TPCN1: variants seen among roughly 807,000 people sequenced by gnomAD.
The protein encoded by TPCN1 is two pore channel protein 1.
A neutral mutation model predicts 108.8 loss-of-function variants in TPCN1; 52 were observed. That is an observed-to-expected ratio of 0.48 (90% CI 0.38 to 0.60). TPCN1 has a LOEUF of 0.60. TPCN1 is among the 20% of genes least tolerant of loss of function. TPCN1 has a pLI of 0.00. For missense variants in TPCN1, 806 were observed against 1,072.8 expected (o/e 0.75, Z 3.47); for synonymous variants, 446 against 433.7 (o/e 1.03, Z -0.35).
At position 113,232,147 on chromosome 12, in the gene TPCN1, C is replaced by T. The variant is rs1953710235; in HGVS notation, c.112+5183C>T. ...GGATGCTCCGTCTCTGCTTTGGTGCCGGGTTGTTTATGGTTTTCAGGTGAC... is the reference window on the plus strand; with the variant it reads ...GGATGCTCCGTCTCTGCTTTGGTGCTGGGTTGTTTATGGTTTTCAGGTGAC... On this transcript the variant is annotated intron_variant, in intron 2 of 27. Transcript: ENST00000335509. This position sits in a 1 kb window ranked among gnomAD's most constrained non-coding sequence, Gnocchi z 5.6. Among the ~76,000 whole-genome samples, 1 of 152,216 alleles carries T rather than the reference C, an allele frequency of 6.6e-6. No individual in the cohort carries two copies.
At chr12:113,259,607 G>T (rs1405474121) in intron 2 of TPCN1, among the ~76,000 whole-genome samples, 1 of 152,210 alleles carries the variant, frequency 6.6e-6, no homozygotes, top group Non-Finnish European at 1.5e-5. Flanking sequence ...TGGTGGCAGA[G>T]GCAGCCGCCA....
intron 18 of TPCN1, among the ~76,000 whole-genome samples, chr12:113,286,451 G>C (rs950571881): frequency 6.6e-6 from 1 of 151,996 alleles, no homozygotes; most frequent in Non-Finnish European, 1.5e-5. Context: ...AACACGCAGA[G>C]CGGAGTTGGG....
intron 17 of TPCN1, among the ~76,000 whole-genome samples, chr12:113,285,063 C>A (rs1352091480): frequency 3.9e-5 from 6 of 152,246 alleles, no homozygotes; most frequent in African/African-American, 1.4e-4. Context: ...GCAGCCTCTG[C>A]TCCCTGCTGC....
chr12:113,244,267 C>G, intron 2 of TPCN1: 1 of 980,744 alleles, frequency 1.0e-6, no homozygotes, highest in Non-Finnish European at 1.2e-6. Flanking sequence ...TTTTCCCTTT[C>G]CTCCTTTGGC....
At chr12:113,242,929 A>G (rs1455555560) in intron 2 of TPCN1, among the ~76,000 whole-genome samples, 7 of 152,128 alleles carry the variant, frequency 4.6e-5, no homozygotes, top group Admixed American at 4.6e-4. Context: ...TTCATTACCT[A>G]CTGATGGAGA....
intron 1 of TPCN1, among the ~76,000 whole-genome samples, chr12:113,226,325 A>G (rs1953468962): frequency 6.6e-6 from 1 of 152,134 alleles, no homozygotes; most frequent in African/African-American, 2.4e-5. Flanking sequence ...CTGTCACTTA[A>G]GCTGGAGTGC....
intron 14 of TPCN1, among the ~76,000 whole-genome samples, chr12:113,279,391 A>ATATATTT (rs1434381451): frequency 1.9e-4 from 2 of 10,482 alleles, no homozygotes; most frequent in Admixed American, 2.5e-3. Context: ...ATATATATAT[A>ATATATTT]TTTTTTTTTT....
chr12:113,290,749 T>C (rs1369282672), intron 22 of TPCN1, among the ~76,000 whole-genome samples: 1 of 152,194 alleles, frequency 6.6e-6, no homozygotes, highest in African/African-American at 2.4e-5. Flanking sequence ...GTGTGTTCTC[T>C]TGGGGGCAGG....
intron 1 of TPCN1, among the ~76,000 whole-genome samples, chr12:113,224,315 T>G (rs61943582): frequency 6.6e-6 from 1 of 152,310 alleles, no homozygotes; most frequent in Non-Finnish European, 1.5e-5. Context: ...CATGGGGCTA[T>G]TAAGAATTTT....
At position 113,266,249 on chromosome 12, in the gene TPCN1, G is replaced by A. The variant is rs1267409167; in HGVS notation, c.307G>A (p.Ala103Thr). The A allele has an allele frequency of 1.9e-6, 3 of 1,613,954 alleles. No individual in the cohort carries two copies. The African/African-American group carries it at 4.0e-5, about 22-fold the overall frequency. ...DAKALAAYLF[A>T]HNHLFYLMEL... ...CAAGGCGCTGGCGGCCTACCTCTTT[G>A]CACACAATCACCTCTTCTACCTGAT... Residue 103 changes from alanine (A) to threonine (T), a missense_variant, in exon 4 of 28, where the codon GCA (alanine) becomes ACA (threonine). Physicochemically the swap from Ala to Thr is moderately conservative, Grantham distance 58 (BLOSUM62 0). Transcript: ENST00000335509. The surrounding 1 kb of genome is among the most constrained non-coding windows in gnomAD (Gnocchi z 4.2).
chr12:113,236,838 A>G (rs907228451), intron 2 of TPCN1, among the ~76,000 whole-genome samples: 1 of 152,070 alleles, frequency 6.6e-6, no homozygotes. Flanking sequence ...AATGACACTA[A>G]TATTAGTATT....
chr12:113,263,299 C>T (rs540814093), intron 3 of TPCN1, among the ~76,000 whole-genome samples: 3 of 152,274 alleles, frequency 2.0e-5, no homozygotes, highest in African/African-American at 7.2e-5. Flanking sequence ...ACTCTCACTC[C>T]GTTGCCCGGG....
intron 7 of TPCN1, among the ~76,000 whole-genome samples, chr12:113,271,708 G>A (rs181242840): frequency 3.3e-4 from 50 of 152,268 alleles, no homozygotes; most frequent in African/African-American, 1.0e-3. Flanking sequence ...AAATCCCACC[G>A]CAGTGAACAC....
intron 2 of TPCN1, among the ~76,000 whole-genome samples, chr12:113,251,084 C>T (rs1215964206): frequency 1.3e-5 from 2 of 152,028 alleles, no homozygotes; most frequent in African/African-American, 4.8e-5. Context: ...AGGTGGATTG[C>T]TTGAGCCTAG....
chr12:113,247,943 G>A (rs1041062698), intron 2 of TPCN1, among the ~76,000 whole-genome samples: 4 of 152,218 alleles, frequency 2.6e-5, no homozygotes, highest in African/African-American at 9.6e-5. Context: ...AACAAAGTCC[G>A]TCCTGGGAGG....
chr12:113,255,586 C>T (rs150681414), intron 2 of TPCN1, among the ~76,000 whole-genome samples: 153 of 151,620 alleles, frequency 1.0e-3, no homozygotes, highest in African/African-American at 3.6e-3. Flanking sequence ...AGTGCAGTGG[C>T]GCAATCTCAG....
chr12:113,244,643 T>C (rs1954278969), intron 2 of TPCN1: 1 of 985,288 alleles, frequency 1.0e-6, no homozygotes, highest in Non-Finnish European at 1.2e-6. Flanking sequence ...TTTGAGCTCT[T>C]TCCCATGGTG....
Position 113,293,335 on chromosome 12 carries a change from C to G in TPCN1, c.2320C>G (p.Gln774Glu). 1 of 1,614,010 alleles carries G rather than the reference C, an allele frequency of 6.2e-7. No homozygotes were observed. The highest frequency in any genetic ancestry group is 8.5e-7 in the Non-Finnish European group (1 of 1,180,020). Residue 774 changes from glutamine to glutamate, a missense_variant, in exon 27 of 28, where the codon CAG becomes GAG. Physicochemically the swap from Gln to Glu is conservative, Grantham distance 29. Transcript: ENST00000335509. ...TKSDLSLKMY[Q>E]EEIQEWYEEH... ...GAGCGACCTGAGCCTGAAGATGTAC[C>G]AGGAGGAGATCCAGGTAGGAGCCTG...
intron 15 of TPCN1, among the ~76,000 whole-genome samples, chr12:113,282,389 G>A (rs978105858): frequency 9.3e-5 from 14 of 150,430 alleles, no homozygotes; most frequent in South Asian, 2.2e-4. Context: ...CACCGCATCC[G>A]GCCTACACAT....
Sources: allele counts gnomAD v4.1 joint callset (sites outside exome capture counted in the v4.1 genomes callset), GRCh38; gene constraint gnomAD v4.1.1; non-coding constraint Gnocchi (gnomAD v3.1); transcripts MANE v1.5; gene names NCBI Gene and HGNC (gene_info 2026-07-23, HGNC 2026-07-21).